The following PDE5A variants were observed in gnomAD, a reference collection of about 807,000 sequenced individuals.
PDE5A encodes cGMP-specific 3',5'-cyclic phosphodiesterase.
PDE5A carries 67 observed loss-of-function variants against 110.2 expected under a neutral mutation model. The observed-to-expected ratio is 0.61, with a 90% CI of 0.50 to 0.75. The LOEUF is 0.75. Among genes scored for constraint, PDE5A ranks in the 30% least tolerant of loss-of-function variants. The probability of loss-of-function intolerance (pLI) is 0.00; values close to 1 mark genes in which losing one functional copy is unlikely to be tolerated. For missense variants in PDE5A, 862 were observed against 1,045.1 expected (o/e 0.82, Z 2.42); for synonymous variants, 328 against 351.2 (o/e 0.93, Z 0.74).
At chr4:119,597,582 C>T (rs1204616747) in intron 2 of PDE5A, among the ~76,000 whole-genome samples, 3 of 152,046 alleles carry the variant, frequency 2.0e-5, no homozygotes, top group South Asian at 4.1e-4. Context: ...CCCTTCAAAG[C>T]GATAGCCTTG....
chr4:119,498,522 A>T lies in PDE5A; in HGVS notation c.*79T>A, dbSNP rs545902083. 3 of 1,493,214 alleles carry T rather than the reference A, an allele frequency of 2.0e-6. No homozygotes were observed. Among genetic ancestry groups the T allele is most frequent in the Admixed American group, 1.7e-5 (1 of 58,524 alleles). The allele number at this position is 1,493,214 out of a possible 1,614,324, so 92.5% of individuals were successfully genotyped here. Reference sequence around the variant, plus strand: ...AGTATATACCAAATACAGACACTATACAGACAGTGTGTAAGAAACTAGGCA... The same window carrying T: ...AGTATATACCAAATACAGACACTATTCAGACAGTGTGTAAGAAACTAGGCA... On this transcript the variant is annotated 3_prime_UTR_variant, in exon 21 of 21. Transcript: ENST00000354960.
intron 1 of PDE5A, among the ~76,000 whole-genome samples, chr4:119,611,942 T>C (rs1729764991): frequency 6.6e-6 from 1 of 152,222 alleles, no homozygotes; most frequent in African/African-American, 2.4e-5. Context: ...GCACAATCTA[T>C]ATGGCCAAAT....
chr4:119,577,749 T>C (rs1034498761), intron 3 of PDE5A, among the ~76,000 whole-genome samples: 1 of 152,292 alleles, frequency 6.6e-6, no homozygotes, highest in African/African-American at 2.4e-5. Context: ...GGGCAAAAAC[T>C]GAAAGCATTC....
At chr4:119,628,427 A>G in intron 1 of PDE5A, 93 bp downstream of exon 1, 1 of 1,108,700 alleles carries the variant, frequency 9.0e-7, no homozygotes. Flanking sequence ...ACCTACTTCA[A>G]AAGCAAAGGG....
rs750601462 is a variant in PDE5A, at chr4:119,628,611, TCTGCTGCTGGGG to T, written c.49_60del (p.Pro17_Gln20del). The T allele has an allele frequency of 1.2e-6, 2 of 1,613,974 alleles. No homozygotes were observed. The highest frequency in any genetic ancestry group is 1.1e-5 in the South Asian group (1 of 91,050). On this transcript the variant is annotated inframe_deletion, in exon 1 of 21. Coordinates refer to ENST00000354960, the MANE Select transcript of PDE5A (RefSeq NM_001083.4). ...GAGTCCTGATCCCTCTGCTGCTGCT[TCTGCTGCTGGGG>T]CTGCTGCTGCTGTCGCTGCTGCCCG...
intron 2 of PDE5A, among the ~76,000 whole-genome samples, chr4:119,597,917 T>C (rs1010071658): frequency 5.9e-5 from 9 of 152,070 alleles, no homozygotes; most frequent in Admixed American, 4.6e-4. Context: ...TAAACACTAC[T>C]ACATTTTTGC....
intron 9 of PDE5A, chr4:119,550,190 T>C (rs1727291425): frequency 1.3e-5 from 2 of 152,184 alleles, no homozygotes; most frequent in African/African-American, 4.8e-5. Flanking sequence ...AGAACCTCCC[T>C]TCACCCCACA....
At chr4:119,519,812 T>G (rs1323111611) in intron 13 of PDE5A, among the ~76,000 whole-genome samples, 1 of 152,090 alleles carries the variant, frequency 6.6e-6, no homozygotes, top group Non-Finnish European at 1.5e-5. Flanking sequence ...CTAGGACAGT[T>G]TTCAGTGTTG....
chr4:119,625,903 T>C (rs571143755), intron 1 of PDE5A, among the ~76,000 whole-genome samples: 320 of 152,338 alleles, frequency 2.1e-3, no homozygotes, highest in Middle Eastern at 0.01. Flanking sequence ...CAAATTGGAA[T>C]ATTGTTTCAT....
At chr4:119,504,641 G>C (rs200317203) in intron 17 of PDE5A, 42 bp from the exon 18 acceptor site, 1 of 1,522,870 alleles carries the variant, frequency 6.6e-7, no homozygotes, top group Non-Finnish European at 9.1e-7. Context: ...ATTTACTTTT[G>C]TGTTATTATA....
chr4:119,531,626 T>C (rs993361115), intron 11 of PDE5A, among the ~76,000 whole-genome samples: 9 of 152,070 alleles, frequency 5.9e-5, no homozygotes, highest in Admixed American at 1.3e-4. Flanking sequence ...GAATCGCTAG[T>C]GCAAAAAGGC....
chr4:119,522,573 C>G (rs1578740894), intron 12 of PDE5A, among the ~76,000 whole-genome samples: 1 of 151,890 alleles, frequency 6.6e-6, no homozygotes, highest in South Asian at 2.1e-4. Context: ...ATATATAATA[C>G]CATATATTGT....
intron 11 of PDE5A, among the ~76,000 whole-genome samples, chr4:119,533,425 G>A (rs1433051357): frequency 1.3e-5 from 2 of 152,118 alleles, no homozygotes; most frequent in Admixed American, 6.5e-5. Flanking sequence ...CAAGAGGGGT[G>A]TTTTTAAAGA....
At chr4:119,584,114 C>T (rs1009135802) in intron 3 of PDE5A, among the ~76,000 whole-genome samples, 2 of 152,128 alleles carry the variant, frequency 1.3e-5, no homozygotes, top group African/African-American at 4.8e-5. Flanking sequence ...AAAGGGTAAC[C>T]AGAGTATATG....
intron 9 of PDE5A, among the ~76,000 whole-genome samples, chr4:119,545,079 AAATT>A (rs958405794): frequency 2.6e-5 from 4 of 152,210 alleles, no homozygotes; most frequent in African/African-American, 7.2e-5. Flanking sequence ...CTAGGCATAT[AAATT>A]AATTATCTTT....
intron 3 of PDE5A, among the ~76,000 whole-genome samples, chr4:119,582,607 T>C (rs1728624895): frequency 6.6e-6 from 1 of 152,232 alleles, no homozygotes; most frequent in Non-Finnish European, 1.5e-5. Context: ...CAGAGGAATC[T>C]CTATTTATGT....
chr4:119,562,533 T>C (rs976630536), intron 6 of PDE5A, among the ~76,000 whole-genome samples: 1 of 152,140 alleles, frequency 6.6e-6, no homozygotes, highest in Non-Finnish European at 1.5e-5. Context: ...TATTTCTCCA[T>C]GAAGACAGTG....
intron 17 of PDE5A, 110 bp downstream of exon 17, chr4:119,505,745 A>T: frequency 1.5e-6 from 1 of 649,998 alleles, no homozygotes; most frequent in South Asian, 1.9e-5. Context: ...CGCTTTTAAG[A>T]TCATCATATT....
chr4:119,557,152 C>T (rs1046308983), intron 7 of PDE5A, among the ~76,000 whole-genome samples: 1 of 152,144 alleles, frequency 6.6e-6, no homozygotes, highest in Non-Finnish European at 1.5e-5. Context: ...TAGGCCTAAT[C>T]CTGGGAGGCC....
Sources: allele counts gnomAD v4.1 joint callset (sites outside exome capture counted in the v4.1 genomes callset), GRCh38; gene constraint gnomAD v4.1.1; transcripts MANE v1.5; gene names NCBI Gene and HGNC (gene_info 2026-07-23, HGNC 2026-07-21).